The following MACROD2 variants were observed in gnomAD, a reference collection of about 807,000 sequenced individuals.
MACROD2 encodes the protein mono-ADP ribosylhydrolase 2.
Under a neutral mutation model 70.4 loss-of-function variants are expected in MACROD2, and 36 were observed. The ratio of observed to expected loss-of-function variants is 0.51; its 90% CI spans 0.39 to 0.68. MACROD2 has a LOEUF of 0.68. MACROD2 is among the 30% of genes least tolerant of loss of function. MACROD2 has a pLI of 0.00. For synonymous variants in MACROD2, 172 were observed against 178.8 expected (o/e 0.96, Z 0.30); for missense variants, 496 against 538.4 (o/e 0.92, Z 0.78).
chr20:14,579,439 C>T (rs940982975), intron 4 of MACROD2, among the ~76,000 whole-genome samples: 1 of 152,150 alleles, frequency 6.6e-6, no homozygotes, highest in Non-Finnish European at 1.5e-5. Flanking sequence ...CCGCGCCCGG[C>T]CAACTGTATC....
chr20:14,734,841 A>C (rs2071643140), intron 5 of MACROD2, among the ~76,000 whole-genome samples: 1 of 152,190 alleles, frequency 6.6e-6, no homozygotes, highest in South Asian at 2.1e-4. Flanking sequence ...CCATGCATCT[A>C]TGGGCCACTG....
At chr20:14,851,964 G>C (rs560218098) in intron 5 of MACROD2, among the ~76,000 whole-genome samples, 1 of 152,274 alleles carries the variant, frequency 6.6e-6, no homozygotes, top group Admixed American at 6.5e-5. Flanking sequence ...AATGGACCTT[G>C]AAAGACAGGT....
chr20:14,530,804 G>GCCATACGTAACAGAATACGTATT (rs2085293958), intron 4 of MACROD2, among the ~76,000 whole-genome samples: 1 of 152,140 alleles, frequency 6.6e-6, no homozygotes, highest in Non-Finnish European at 1.5e-5. Context: ...GTAACAGAAT[G>GCCATACGTAACAGAATACGTATT]GCAATTAATT....
chr20:15,664,329 T>A (rs1047666453), intron 8 of MACROD2, among the ~76,000 whole-genome samples: 20 of 152,194 alleles, frequency 1.3e-4, no homozygotes, highest in Admixed American at 1.3e-3. Context: ...AAGTGTGATA[T>A]CCTGAGTGAG....
chr20:15,609,046 G>C (rs1475229044), intron 8 of MACROD2, among the ~76,000 whole-genome samples: 1 of 152,108 alleles, frequency 6.6e-6, no homozygotes, highest in Non-Finnish European at 1.5e-5. Context: ...ACATCCTGCT[G>C]TTCTTTCACC....
At chr20:14,862,684 TATATAA>T (rs2073382294) in intron 5 of MACROD2, among the ~76,000 whole-genome samples, 1 of 73,440 alleles carries the variant, frequency 1.4e-5, no homozygotes, top group African/African-American at 5.4e-5. Flanking sequence ...TATAAATATA[TATATAA>T]ATATATATAA....
intron 3 of MACROD2, among the ~76,000 whole-genome samples, chr20:14,219,851 G>C (rs2081654968): frequency 6.6e-6 from 1 of 152,162 alleles, no homozygotes; most frequent in Non-Finnish European, 1.5e-5. Flanking sequence ...ATTGGCACTT[G>C]TCTGCACAGA....
intron 5 of MACROD2, among the ~76,000 whole-genome samples, chr20:15,095,789 T>C (rs184730850): frequency 1.8e-3 from 270 of 152,270 alleles, no homozygotes; most frequent in African/African-American, 6.1e-3. Context: ...AGTGCTGGGA[T>C]TACAGGCGTG....
chr20:15,188,488 A>C (rs2076548230), intron 5 of MACROD2, among the ~76,000 whole-genome samples: 1 of 152,204 alleles, frequency 6.6e-6, no homozygotes. Flanking sequence ...TTGTGCTAGC[A>C]GTTTCCCTTG....
At chr20:14,600,556 G>C (rs1026564244) in intron 4 of MACROD2, among the ~76,000 whole-genome samples, 1 of 152,040 alleles carries the variant, frequency 6.6e-6, no homozygotes, top group Non-Finnish European at 1.5e-5. Context: ...TCTATGTACT[G>C]TTCAAATGTT....
chr20:14,515,624 T>C lies in MACROD2; in HGVS notation c.301+22116T>C, dbSNP rs1471354771. Among the ~76,000 whole-genome samples, 4 of 152,172 alleles carry C rather than the reference T, an allele frequency of 2.6e-5. No individual in the cohort carries two copies. The East Asian group carries it at 7.7e-4, about 29-fold the overall frequency. On this transcript the variant is annotated intron_variant, in intron 4 of 17. Transcript: ENST00000684519. ...CAGGCACAGAAAGACAAATACTGCATGATCTCACTTATATGTGGCATCTGT... is the reference window on the plus strand; with the variant it reads ...CAGGCACAGAAAGACAAATACTGCACGATCTCACTTATATGTGGCATCTGT...
At chr20:16,046,779 C>T (rs190668930) in intron 17 of MACROD2, among the ~76,000 whole-genome samples, 65 of 141,010 alleles carry the variant, frequency 4.6e-4, no homozygotes, top group African/African-American at 1.6e-3. Context: ...CTCCCTGTTT[C>T]AAGGGATTCT....
chr20:15,723,923 C>T (rs2050824340), intron 8 of MACROD2, among the ~76,000 whole-genome samples: 1 of 152,212 alleles, frequency 6.6e-6, no homozygotes, highest in Non-Finnish European at 1.5e-5. Context: ...ATGAGACTTT[C>T]TGTTGCTCCA....
At chr20:15,021,160 G>A (rs1376177206) in intron 5 of MACROD2, among the ~76,000 whole-genome samples, 1 of 126,312 alleles carries the variant, frequency 7.9e-6, no homozygotes, top group Non-Finnish European at 1.7e-5. Context: ...ACACACCTGT[G>A]TGTATGTATA....
intron 12 of MACROD2, among the ~76,000 whole-genome samples, chr20:15,952,928 A>G (rs951547573): frequency 5.3e-5 from 8 of 152,176 alleles, no homozygotes; most frequent in African/African-American, 1.2e-4. Flanking sequence ...TCAAAAGAAT[A>G]GTTTTGAGAA....
intron 5 of MACROD2, among the ~76,000 whole-genome samples, chr20:14,909,919 G>A (rs1034257531): frequency 6.6e-6 from 1 of 152,046 alleles, no homozygotes; most frequent in Non-Finnish European, 1.5e-5. Flanking sequence ...TGAACTAACT[G>A]CCTTATCCTA....
rs73093937 is a variant in MACROD2, at chr20:15,018,900, C to T, written c.419-211040C>T. Among the ~76,000 whole-genome samples the T allele has an allele frequency of 4.2e-3, 636 of 152,322 alleles. 1 individual carries two copies. Among genetic ancestry groups the T allele is most frequent in the Non-Finnish European group, 6.8e-3 (461 of 68,032 alleles). On this transcript the variant is annotated intron_variant, in intron 5 of 17. Transcript: ENST00000684519. ...ATCACACCATGTGACATGCCTGTTC[C>T]TCCTTTGCTTTCTACCATGAGTAAA...
chr20:15,644,145 T>C (rs903472806), intron 8 of MACROD2, among the ~76,000 whole-genome samples: 1 of 151,764 alleles, frequency 6.6e-6, no homozygotes, highest in South Asian at 2.1e-4. Context: ...GAACCAGCCC[T>C]CTACACTGCA....
At chr20:15,144,864 T>C (rs2076219011) in intron 5 of MACROD2, among the ~76,000 whole-genome samples, 1 of 152,180 alleles carries the variant, frequency 6.6e-6, no homozygotes, top group Admixed American at 6.6e-5. Context: ...CTTACTATGC[T>C]TACTATAGTA....
Sources: gnomAD v4.1 joint callset for allele counts (sites outside exome capture counted in the v4.1 genomes callset) on GRCh38, gnomAD v4.1.1 for gene constraint, MANE v1.5 for transcripts, NCBI Gene and HGNC (gene_info 2026-07-23, HGNC 2026-07-21) for gene names.